Variants in PCDHGA2 observed in about 807,000 individuals in gnomAD.
The protein encoded by PCDHGA2 is protocadherin gamma subfamily A, 2.
In PCDHGA2, 40 loss-of-function variants were observed where a neutral mutation model predicts 59.2. The ratio of observed to expected loss-of-function variants is 0.68; its 90% CI spans 0.52 to 0.88. The LOEUF (loss-of-function observed/expected upper bound fraction) is 0.88. Among genes scored for constraint, PCDHGA2 ranks in the 40% least tolerant of loss-of-function variants. PCDHGA2 has a pLI of 0.00. For synonymous variants in PCDHGA2, 560 were observed against 526.0 expected (o/e 1.06, Z -0.89); for missense variants, 1,226 against 1,204.0 (o/e 1.02, Z -0.27).
chr5:141,345,667 A>G (rs1038904862), intron 1 of PCDHGA2: 24 of 1,614,210 alleles, frequency 1.5e-5, no homozygotes, highest in East Asian at 2.2e-5. Context: ...CTCAGCAGCA[A>G]CGTGTCGCTG....
At chr5:141,435,050 C>A (rs2154556494) in intron 1 of PCDHGA2, among the ~76,000 whole-genome samples, 1 of 151,994 alleles carries the variant, frequency 6.6e-6, no homozygotes, top group East Asian at 1.9e-4. Flanking sequence ...TCCCATTGAC[C>A]ATGCAGCAGT....
At chr5:141,467,431 C>T (rs1452587540) in intron 1 of PCDHGA2, among the ~76,000 whole-genome samples, 1 of 152,170 alleles carries the variant, frequency 6.6e-6, no homozygotes, top group African/African-American at 2.4e-5. Flanking sequence ...GTTATAGAAA[C>T]ATTCATTACT....
chr5:141,433,079 A>C, intron 1 of PCDHGA2: 1 of 1,614,208 alleles, frequency 6.2e-7, no homozygotes, highest in South Asian at 1.1e-5. Flanking sequence ...CCCCCAGCCC[A>C]ACTATGCAGA....
At position 141,490,664 on chromosome 5, in the gene PCDHGA2, C is replaced by T; in HGVS notation, c.2425-4143C>T. 6.2e-7 allele frequency: 1 copy of T among 1,614,212 alleles called. No homozygotes were observed. The highest frequency in any genetic ancestry group is 1.1e-5 in the South Asian group (1 of 91,084). On this transcript the variant is annotated intron_variant, in intron 1 of 3. Coordinates refer to ENST00000394576, the MANE Select transcript of PCDHGA2 (RefSeq NM_018915.4). The surrounding 1 kb of genome is among the most constrained non-coding windows in gnomAD (Gnocchi z 5.4). ...CGGCCTCCGGGCTCCCTTCTTTGCA[C>T]TGTGGCTGCCTCAGATCCAGACACT...
At chr5:141,395,194 C>T (rs867640127) in intron 1 of PCDHGA2, 2 of 1,613,922 alleles carry the variant, frequency 1.2e-6, no homozygotes, top group Non-Finnish European at 1.7e-6. Context: ...TTGTTAACAT[C>T]CGTAGATTTT....
chr5:141,430,234 A>G (rs2097268213), intron 1 of PCDHGA2, among the ~76,000 whole-genome samples: 1 of 130,034 alleles, frequency 7.7e-6, no homozygotes, highest in South Asian at 2.4e-4. Flanking sequence ...TGTCAAAAAG[A>G]GAAACTCCTA....
intron 1 of PCDHGA2, chr5:141,361,674 G>A: frequency 5.0e-6 from 8 of 1,613,644 alleles, no homozygotes; most frequent in Non-Finnish European, 6.8e-6. Context: ...AGAGCGGGGT[G>A]GTGTTCGCGC....
At chr5:141,478,545 A>C in intron 1 of PCDHGA2, 1 of 1,605,606 alleles carries the variant, frequency 6.2e-7, no homozygotes, top group Non-Finnish European at 8.5e-7. Flanking sequence ...CCTCCCGGAC[A>C]GGTAAGGTTT....
At chr5:141,383,871 T>C (rs1490693086) in intron 1 of PCDHGA2, 1 of 1,613,852 alleles carries the variant, frequency 6.2e-7, no homozygotes, top group African/African-American at 1.3e-5. Flanking sequence ...CTCAAGATGG[T>C]CCTGGTAGTC....
chr5:141,348,503 G>T (rs1758133060), intron 1 of PCDHGA2, among the ~76,000 whole-genome samples: 1 of 152,108 alleles, frequency 6.6e-6, no homozygotes, highest in Non-Finnish European at 1.5e-5. Context: ...AAATTAATTA[G>T]CTGTGTCAGG....
intron 1 of PCDHGA2, chr5:141,427,227 A>G (rs111948686): frequency 8.8e-6 from 4 of 456,798 alleles, no homozygotes; most frequent in African/African-American, 4.0e-5. Flanking sequence ...CAGTTATACC[A>G]TGAGAGTAGA....
chr5:141,405,370 G>T (rs2094649512), intron 1 of PCDHGA2: 1 of 1,606,236 alleles, frequency 6.2e-7, no homozygotes, highest in Non-Finnish European at 8.5e-7. Context: ...ACACCCCTTT[G>T]GTTCCGGTGA....
chr5:141,374,282 G>C, intron 1 of PCDHGA2: 1 of 1,613,972 alleles, frequency 6.2e-7, no homozygotes, highest in Non-Finnish European at 8.5e-7. Context: ...AGTCCGCATC[G>C]TCTCCAGAGG....
rs1023140435 is a variant in PCDHGA2, at chr5:141,415,749, T to G, written c.2424+74354T>G. The G allele has an allele frequency of 4.7e-4, 569 of 1,213,970 alleles. 1 individual carries two copies. Among genetic ancestry groups the G allele is most frequent in the Admixed American group, 3.5e-3 (90 of 25,886 alleles). The allele number at this position is 1,213,970 out of a possible 1,614,324, so 75.2% of individuals were successfully genotyped here. The stretch of plus-strand genomic sequence containing the variant: ...TTTGATGTTTATTAAGGTTTTTTTT[T>G]TTTTTTTTTTTTTTTTTTTTTTTAC... On this transcript the variant is annotated intron_variant, in intron 1 of 3. Transcript: ENST00000394576.
chr5:141,378,930 G>T (rs1588866145), intron 1 of PCDHGA2: 1 of 152,190 alleles, frequency 6.6e-6, no homozygotes, highest in East Asian at 1.9e-4. Flanking sequence ...GTAAGTTGAT[G>T]GCCCTGGAAT....
intron 1 of PCDHGA2, chr5:141,364,306 G>A (rs760708821): frequency 2.6e-6 from 4 of 1,522,568 alleles, no homozygotes; most frequent in East Asian, 4.5e-5. Flanking sequence ...CCAGAACTAA[G>A]AGAAAATTGG....
rs2097403311 is a variant in PCDHGA2 at position 141,431,640 on chromosome 5, T to C, written c.2425-63167T>C. 6.2e-7 allele frequency: 1 copy of C among 1,614,094 alleles called. No individual in the cohort carries two copies. The highest frequency in any genetic ancestry group is 8.5e-7 in the Non-Finnish European group (1 of 1,180,040). On this transcript the variant is annotated intron_variant, in intron 1 of 3. Coordinates refer to ENST00000394576, the MANE Select transcript of PCDHGA2 (RefSeq NM_018915.4). This position sits in a 1 kb window ranked among gnomAD's most constrained non-coding sequence, Gnocchi z 4.8. ...GACAAGGCGGCCCAAGTTTTCAAACTAGATTGTAATTCAGGGACAATATCA... is the reference window on the plus strand; with the variant it reads ...GACAAGGCGGCCCAAGTTTTCAAACCAGATTGTAATTCAGGGACAATATCA...
At position 141,485,791 on chromosome 5, in the gene PCDHGA2, G is replaced by A; in HGVS notation, c.2425-9016G>A. The A allele has an allele frequency of 6.2e-7, 1 of 1,614,196 alleles. No homozygotes were observed. The highest frequency in any genetic ancestry group is 8.5e-7 in the Non-Finnish European group (1 of 1,180,032). ...AGCCTTTGGATCGAGAGAAGCAATC[G>A]GACTACCGCCTGGTGCTGACTGCTG... On this transcript the variant is annotated intron_variant, in intron 1 of 3. Transcript: ENST00000394576. The surrounding 1 kb of genome is among the most constrained non-coding windows in gnomAD (Gnocchi z 5.7).
chr5:141,419,715 T>A, intron 1 of PCDHGA2: 5 of 1,613,288 alleles, frequency 3.1e-6, no homozygotes, highest in Non-Finnish European at 4.2e-6. Context: ...CTCTTCAGCC[T>A]GGGGCTGCGA....
Sources: allele counts gnomAD v4.1 joint callset (sites outside exome capture counted in the v4.1 genomes callset), GRCh38; gene constraint gnomAD v4.1.1; non-coding constraint Gnocchi (gnomAD v3.1); transcripts MANE v1.5; gene names NCBI Gene and HGNC (gene_info 2026-07-23, HGNC 2026-07-21).